KCNB2: variants seen among roughly 807,000 people sequenced by gnomAD.
KCNB2 encodes potassium voltage-gated channel subfamily B member 2, also known as delayed rectifier potassium channel protein.
In KCNB2, 15 loss-of-function variants were observed where a neutral mutation model predicts 61.5. That is an observed-to-expected ratio of 0.24 (90% CI 0.16 to 0.38). The LOEUF is 0.38. KCNB2 is among the 10% of genes least tolerant of loss of function. The pLI, the probability that KCNB2 is intolerant of heterozygous loss-of-function variation, is 1.00. For missense variants in KCNB2, 828 were observed against 1,125.2 expected, an observed-to-expected ratio of 0.74 and a Z score of 3.78; for synonymous variants, 457 against 446.0, an observed-to-expected ratio of 1.02 and a Z score of -0.31.
intron 2 of KCNB2, among the ~76,000 whole-genome samples, chr8:72,651,534 A>G (rs1398963818): frequency 6.6e-6 from 1 of 152,082 alleles, no homozygotes; most frequent in Non-Finnish European, 1.5e-5. Flanking sequence ...TTGCCCCCCA[A>G]AGTCAATGGA....
At chr8:72,568,903 C>A (rs1005197387) in intron 2 of KCNB2, among the ~76,000 whole-genome samples, 4 of 151,520 alleles carry the variant, frequency 2.6e-5, no homozygotes, top group Non-Finnish European at 4.4e-5. Context: ...TTTAACAGTG[C>A]ATGTTTCTGA....
intron 2 of KCNB2, among the ~76,000 whole-genome samples, chr8:72,927,299 C>A (rs1365369776): frequency 6.6e-6 from 1 of 150,838 alleles, no homozygotes; most frequent in Non-Finnish European, 1.5e-5. Context: ...GAGATGGAAT[C>A]TTTCTGTGTT....
chr8:72,921,638 T>C (rs986306345), intron 2 of KCNB2, among the ~76,000 whole-genome samples: 5 of 152,218 alleles, frequency 3.3e-5, no homozygotes, highest in African/African-American at 1.2e-4. Context: ...ACTGTTTTAA[T>C]ATGTTATTTT....
chr8:72,717,488 G>T (rs1156579101), intron 2 of KCNB2, among the ~76,000 whole-genome samples: 1 of 152,172 alleles, frequency 6.6e-6, no homozygotes, highest in Non-Finnish European at 1.5e-5. Flanking sequence ...GAACAGAACA[G>T]AGCCCTCCAA....
chr8:72,573,975 A>G (rs188644395), intron 2 of KCNB2, among the ~76,000 whole-genome samples: 8 of 152,338 alleles, frequency 5.3e-5, no homozygotes, highest in Admixed American at 5.2e-4. Context: ...ACATAGCATA[A>G]GAGTTCAGAG....
intron 1 of KCNB2, among the ~76,000 whole-genome samples, chr8:72,547,997 A>C (rs1377519610): frequency 6.6e-6 from 1 of 152,198 alleles, no homozygotes; most frequent in Non-Finnish European, 1.5e-5. Context: ...TACCACTGAG[A>C]TCAGTCAGCA....
intron 2 of KCNB2, among the ~76,000 whole-genome samples, chr8:72,852,700 T>C (rs1810139285): frequency 6.6e-6 from 1 of 152,128 alleles, no homozygotes; most frequent in South Asian, 2.1e-4. Flanking sequence ...TATTTCTCTA[T>C]GTAAAGGTAT....
chr8:72,539,365 CCTT>C (rs1806160001), intron 1 of KCNB2, among the ~76,000 whole-genome samples: 1 of 152,156 alleles, frequency 6.6e-6, no homozygotes, highest in African/African-American at 2.4e-5. Context: ...GGAAAAGTAT[CCTT>C]ATCACCTAGA....
At chr8:72,889,738 T>C (rs753365892) in intron 2 of KCNB2, among the ~76,000 whole-genome samples, 1 of 152,028 alleles carries the variant, frequency 6.6e-6, no homozygotes, top group Non-Finnish European at 1.5e-5. Context: ...GAGTAATAAA[T>C]GTAAAACTCT....
chr8:72,604,099 A>G (rs1364747169), intron 2 of KCNB2, among the ~76,000 whole-genome samples: 2 of 152,158 alleles, frequency 1.3e-5, no homozygotes, highest in African/African-American at 4.8e-5. Flanking sequence ...GCCCTAAGAA[A>G]TTAATAAATG....
At chr8:72,868,691 T>C (rs1434251019) in intron 2 of KCNB2, among the ~76,000 whole-genome samples, 1 of 152,194 alleles carries the variant, frequency 6.6e-6, no homozygotes, top group African/African-American at 2.4e-5. Context: ...AACATTTTTA[T>C]AATGCTACCT....
intron 2 of KCNB2, among the ~76,000 whole-genome samples, chr8:72,892,229 GA>G (rs1805907795): frequency 6.6e-6 from 1 of 152,082 alleles, no homozygotes; most frequent in Admixed American, 6.6e-5. Flanking sequence ...CTCACTATTT[GA>G]TTCCTGAGGG....
chr8:72,769,162 A>G (rs1439624759), intron 2 of KCNB2, among the ~76,000 whole-genome samples: 1 of 152,194 alleles, frequency 6.6e-6, no homozygotes, highest in Admixed American at 6.5e-5. Flanking sequence ...CCCTGTCTCA[A>G]AAAAAGAGAA....
intron 2 of KCNB2, among the ~76,000 whole-genome samples, chr8:72,666,984 AGTGT>A (rs142689703): frequency 0.12 from 17,164 of 148,612 alleles, 1,461 homozygotes; most frequent in East Asian, 0.51. Context: ...TTTCCACATA[AGTGT>A]GTGTGTGTGT....
chr8:72,644,487 A>G (rs572114136), intron 2 of KCNB2, among the ~76,000 whole-genome samples: 2 of 152,308 alleles, frequency 1.3e-5, no homozygotes, highest in African/African-American at 4.8e-5. Context: ...GGAGCCCCCA[A>G]GTATCGCCAC....
chr8:72,865,371 T>A (rs893216873), intron 2 of KCNB2, among the ~76,000 whole-genome samples: 4 of 152,128 alleles, frequency 2.6e-5, no homozygotes, highest in African/African-American at 9.7e-5. Flanking sequence ...TATGCCTCAG[T>A]TTCCTGTCTG....
chr8:72,559,831 A>T (rs939966504), intron 1 of KCNB2, among the ~76,000 whole-genome samples: 9 of 152,210 alleles, frequency 5.9e-5, no homozygotes, highest in Admixed American at 5.2e-4. Context: ...GTGGAATTTA[A>T]TGGAAAGAGA....
At chr8:72,865,592 C>G (rs1805504689) in intron 2 of KCNB2, among the ~76,000 whole-genome samples, 1 of 152,142 alleles carries the variant, frequency 6.6e-6, no homozygotes, top group Non-Finnish European at 1.5e-5. Context: ...TAATATTAGT[C>G]TTCACCCCTC....
intron 1 of KCNB2, among the ~76,000 whole-genome samples, chr8:72,546,876 T>C (rs1202609412): frequency 6.6e-6 from 1 of 152,238 alleles, no homozygotes; most frequent in East Asian, 1.9e-4. Flanking sequence ...TTAATGGAGA[T>C]TAAACAGGCT....
Sources: gnomAD v4.1 joint callset for allele counts (sites outside exome capture counted in the v4.1 genomes callset) on GRCh38, gnomAD v4.1.1 for gene constraint, MANE v1.5 for transcripts, NCBI Gene and HGNC (gene_info 2026-07-23, HGNC 2026-07-21) for gene names.